The following ABI3BP variants were observed in gnomAD, a reference collection of about 807,000 sequenced individuals.
ABI3BP encodes ABI family member 3 binding protein.
A neutral mutation model predicts 268.6 loss-of-function variants in ABI3BP; 216 were observed. The ratio of observed to expected loss-of-function variants is 0.80; its 90% CI spans 0.72 to 0.90. The LOEUF is 0.90. Among genes scored for constraint, ABI3BP ranks in the 40% least tolerant of loss-of-function variants. The probability of loss-of-function intolerance (pLI) is 0.00; values close to 1 mark genes in which losing one functional copy is unlikely to be tolerated. For missense variants in ABI3BP, 2,090 were observed against 2,182.4 expected (o/e 0.96, Z 0.84); for synonymous variants, 730 against 730.0 (o/e 1.00, Z 0.00).
chr3:100,848,388 C>T (rs1206604704), intron 18 of ABI3BP, among the ~76,000 whole-genome samples: 1 of 152,100 alleles, frequency 6.6e-6, no homozygotes, highest in East Asian at 1.9e-4. Context: ...CTTTTGGACA[C>T]TTGAGTTTTG....
chr3:100,902,495 G>A, intron 3 of ABI3BP, 123 bp downstream of exon 3: 1 of 800,178 alleles, frequency 1.2e-6, no homozygotes, highest in Non-Finnish European at 2.0e-6. Context: ...TGGACCCAGG[G>A]CTGACACCTC....
chr3:100,875,663 A>G, intron 7 of ABI3BP, 84 bp from the exon 8 acceptor site: 1 of 946,128 alleles, frequency 1.1e-6, no homozygotes, highest in Non-Finnish European at 1.7e-6. Flanking sequence ...TCTGCACTGG[A>G]AAAGCCTTGA....
At chr3:100,906,577 T>C (rs2053541035) in intron 2 of ABI3BP, among the ~76,000 whole-genome samples, 1 of 152,212 alleles carries the variant, frequency 6.6e-6, no homozygotes, top group Admixed American at 6.5e-5. Flanking sequence ...TTTAGAAAGA[T>C]ATATACCTAA....
intron 61 of ABI3BP, among the ~76,000 whole-genome samples, chr3:100,772,570 C>G (rs1236155791): frequency 6.6e-6 from 1 of 151,666 alleles, no homozygotes; most frequent in East Asian, 1.9e-4. Context: ...CTATAAACCC[C>G]AAAGCAACCA....
chr3:100,893,580 A>G (rs1411649953), intron 4 of ABI3BP, among the ~76,000 whole-genome samples: 2 of 152,216 alleles, frequency 1.3e-5, no homozygotes, highest in Non-Finnish European at 2.9e-5. Flanking sequence ...ACCAAGAGAC[A>G]TTTCAGTGGA....
At chr3:100,968,109 T>C (rs1302875974) in intron 1 of ABI3BP, among the ~76,000 whole-genome samples, 1 of 152,196 alleles carries the variant, frequency 6.6e-6, no homozygotes, top group Non-Finnish European at 1.5e-5. Flanking sequence ...AATCTGGCCA[T>C]ACCTGCCCCA....
intron 1 of ABI3BP, among the ~76,000 whole-genome samples, chr3:100,946,788 C>CA (rs71800962): frequency 0.026 from 2,280 of 86,890 alleles, 44 homozygotes; most frequent in African/African-American, 0.083. Flanking sequence ...AACTCCGTTT[C>CA]AAAAAAAAAA....
At chr3:100,940,705 T>G (rs1009086744) in intron 1 of ABI3BP, among the ~76,000 whole-genome samples, 2 of 144,492 alleles carry the variant, frequency 1.4e-5, no homozygotes, top group Non-Finnish European at 3.0e-5. Flanking sequence ...AGCAGTAGGA[T>G]GCCTGGTGCA....
At chr3:100,986,697 C>T (rs1286715651) in intron 1 of ABI3BP, among the ~76,000 whole-genome samples, 3 of 151,984 alleles carry the variant, frequency 2.0e-5, no homozygotes, top group Non-Finnish European at 4.4e-5. Flanking sequence ...GAACTCTTGA[C>T]CTCAAGTAAT....
At chr3:100,819,108 A>G (rs2098133032) in intron 40 of ABI3BP, among the ~76,000 whole-genome samples, 1 of 152,192 alleles carries the variant, frequency 6.6e-6, no homozygotes, top group South Asian at 2.1e-4. Context: ...TAATCATAAA[A>G]GTGCAGGACC....
chr3:100,946,487 T>C (rs2072389717), intron 1 of ABI3BP, among the ~76,000 whole-genome samples: 1 of 151,750 alleles, frequency 6.6e-6, no homozygotes, highest in Non-Finnish European at 1.5e-5. Flanking sequence ...ACCATTGACA[T>C]TGTTAGAAAT....
chr3:100,914,956 C>T (rs1208585559), intron 2 of ABI3BP, among the ~76,000 whole-genome samples: 1 of 152,182 alleles, frequency 6.6e-6, no homozygotes, highest in Non-Finnish European at 1.5e-5. Flanking sequence ...GCATGCATTT[C>T]ACCCACGGCT....
At chr3:100,812,401 A>G in intron 46 of ABI3BP, 66 bp downstream of exon 46, 1 of 1,080,770 alleles carries the variant, frequency 9.3e-7, no homozygotes, top group African/African-American at 1.6e-5. Context: ...GAGGACATCC[A>G]GAGATGACTT....
At chr3:100,824,988 G>T (rs1404209256) in intron 35 of ABI3BP, 47 bp from the exon 36 acceptor site, 6 of 1,465,906 alleles carry the variant, frequency 4.1e-6, no homozygotes, top group Admixed American at 2.1e-5. Flanking sequence ...TATGATTCTG[G>T]ATACTGAGGA....
chr3:100,934,678 A>G (rs1254987115), intron 1 of ABI3BP, among the ~76,000 whole-genome samples: 1 of 151,924 alleles, frequency 6.6e-6, no homozygotes, highest in Admixed American at 6.6e-5. Flanking sequence ...CACCATTCTA[A>G]CTGGCATGAG....
At chr3:100,892,701 T>C (rs1422404101) in intron 4 of ABI3BP, among the ~76,000 whole-genome samples, 4 of 152,168 alleles carry the variant, frequency 2.6e-5, no homozygotes, top group Non-Finnish European at 4.4e-5. Context: ...TTCTCAGGCC[T>C]ACTGAATCAG....
chr3:100,943,664 C>G (rs1277203927), intron 1 of ABI3BP, among the ~76,000 whole-genome samples: 9 of 152,076 alleles, frequency 5.9e-5, no homozygotes, highest in African/African-American at 1.4e-4. Context: ...AGTATGTAGT[C>G]TTTCATGTAA....
intron 16 of ABI3BP, 78 bp from the exon 17 acceptor site, chr3:100,850,197 G>C: frequency 7.7e-7 from 1 of 1,307,118 alleles, no homozygotes; most frequent in Non-Finnish European, 1.1e-6. Context: ...CATGCTTTTA[G>C]ATGGTATAAA....
intron 1 of ABI3BP, among the ~76,000 whole-genome samples, chr3:100,965,737 G>C (rs1040401078): frequency 1.3e-5 from 2 of 151,750 alleles, no homozygotes; most frequent in African/African-American, 4.8e-5. Flanking sequence ...TGGTGTGTTG[G>C]TGGTGGCCTT....
Sources: allele counts gnomAD v4.1 joint callset (sites outside exome capture counted in the v4.1 genomes callset), GRCh38; gene constraint gnomAD v4.1.1; transcripts MANE v1.5; gene names NCBI Gene and HGNC (gene_info 2026-07-23, HGNC 2026-07-21).